CRK: variants seen among roughly 807,000 people sequenced by gnomAD.
CRK encodes adapter molecule crk.
Under a neutral mutation model 29.8 loss-of-function variants are expected in CRK, and 4 were observed. The observed-to-expected ratio is 0.13, with a 90% confidence interval of 0.07 to 0.31. CRK has a LOEUF of 0.31. Ranked by LOEUF, CRK falls within the 10% of genes least tolerant of loss-of-function variation. The pLI, the probability that CRK is intolerant of heterozygous loss-of-function variation, is 1.00. For synonymous variants in CRK, 153 were observed against 164.9 expected, an observed-to-expected ratio of 0.93 and a Z score of 0.55; for missense variants, 274 against 396.5, an observed-to-expected ratio of 0.69 and a Z score of 2.62.
chr17:1,444,597 G>GGGGC (rs1555654437), intron 1 of CRK, among the ~76,000 whole-genome samples: 4 of 110,486 alleles, frequency 3.6e-5, no homozygotes, highest in Non-Finnish European at 6.3e-5. Flanking sequence ...AGCCGAAGCG[G>GGGGC]GGGGGGGGAT....
intron 1 of CRK, among the ~76,000 whole-genome samples, chr17:1,447,803 G>A (rs1472511353): frequency 1.3e-5 from 2 of 151,804 alleles, no homozygotes; most frequent in African/African-American, 2.4e-5. Context: ...TTTTAGGAAA[G>A]ACAGGGTTTT....
At chr17:1,443,611 G>A (rs989583537) in intron 1 of CRK, among the ~76,000 whole-genome samples, 4 of 150,250 alleles carry the variant, frequency 2.7e-5, no homozygotes, top group African/African-American at 9.8e-5. Context: ...ATGTTAGCCA[G>A]GATGGTTTCG....
chr17:1,437,483 G>A (rs888359583), intron 1 of CRK, among the ~76,000 whole-genome samples: 1 of 152,062 alleles, frequency 6.6e-6, no homozygotes, highest in Admixed American at 6.6e-5. Flanking sequence ...CATCCCCTGG[G>A]AAGAAAGATG....
intron 2 of CRK, among the ~76,000 whole-genome samples, chr17:1,426,048 TGTGGCCAAGC>T (rs144576062): frequency 0.03 from 4,616 of 152,130 alleles, 171 homozygotes; most frequent in African/African-American, 0.096. Context: ...AAAAGCCAAG[TGTGGCCAAGC>T]GTGGCCAAGC....
chr17:1,446,856 G>A (rs1401128935), intron 1 of CRK, among the ~76,000 whole-genome samples: 1 of 151,840 alleles, frequency 6.6e-6, no homozygotes, highest in African/African-American at 2.4e-5. Context: ...GCCTCCCAAA[G>A]TGCTGGGATT....
chr17:1,443,542 C>T (rs895290249), intron 1 of CRK, among the ~76,000 whole-genome samples: 1 of 151,650 alleles, frequency 6.6e-6, no homozygotes, highest in African/African-American at 2.4e-5. Flanking sequence ...ACTACAGGCG[C>T]CCGCCACCAC....
chr17:1,433,857 G>T, intron 2 of CRK, among the ~76,000 whole-genome samples: 1 of 139,582 alleles, frequency 7.2e-6, no homozygotes, highest in South Asian at 2.2e-4. Flanking sequence ...TAGATCACCT[G>T]GCTAATTTTT....
Position 1,422,165 on chromosome 17 carries a change from TC to T in CRK, c.*1347del. 1 of 150,866 alleles carries T rather than the reference TC, an allele frequency of 6.6e-6. No homozygotes were observed. Among genetic ancestry groups the T allele is most frequent in the East Asian group, 1.9e-4 (1 of 5,152 alleles). The allele number at this position is 150,866 out of a possible 1,614,324, so 9.3% of individuals were successfully genotyped here. A position where few individuals can be genotyped will look rare whatever the true frequency, so the allele number is the denominator to read the frequency against. On this transcript the variant is annotated 3_prime_UTR_variant, in exon 3 of 3. Transcript: ENST00000300574. ...TCAACATTTTTTTTTCTTTTTTTTT[TC>T]CTTTTTTTTTTTTTTGAGACTGAGT...
rs1433296244 is a variant in CRK at position 1,422,044 on chromosome 17, A to G, written c.*1469T>C. The G allele has an allele frequency of 6.6e-6, 1 of 152,316 alleles. No individual in the cohort carries two copies. The highest frequency in any genetic ancestry group is 2.4e-5 in the African/African-American group (1 of 41,576). The allele number at this position is 152,316 out of a possible 1,614,324, so 9.4% of individuals were successfully genotyped here. A position where few individuals can be genotyped will look rare whatever the true frequency, so the allele number is the denominator to read the frequency against. On this transcript the variant is annotated 3_prime_UTR_variant, in exon 3 of 3. Coordinates refer to ENST00000300574, the MANE Select transcript of CRK (RefSeq NM_016823.4). Reference sequence around the variant, plus strand: ...GTAAACTAAACCTGAACATAAACAAAGAGCCAAAAATGAAGGCAGTTTACA... The same window carrying G: ...GTAAACTAAACCTGAACATAAACAAGGAGCCAAAAATGAAGGCAGTTTACA...
At chr17:1,429,431 G>C (rs748211091) in intron 2 of CRK, among the ~76,000 whole-genome samples, 13 of 152,012 alleles carry the variant, frequency 8.6e-5, no homozygotes, top group Non-Finnish European at 1.5e-4. Flanking sequence ...CCGCCACCAT[G>C]CTCAGTTAAT....
In CRK at chr17:1,426,904, C is replaced by T. The variant is rs527302496; in HGVS notation, c.778-3254G>A. On this transcript the variant is annotated intron_variant, in intron 2 of 2. Transcript: ENST00000300574. The stretch of plus-strand genomic sequence containing the variant: ...TAAATTAGCCAGGCATAGTAGTGTG[C>T]GCCTGTGGTCCCAGCTACTCAAGAG... 7.3e-5 allele frequency among the ~76,000 whole-genome samples: 11 copies of T among 150,996 alleles called. No individual in the cohort carries two copies. The South Asian group carries it at 1.7e-3, about 23-fold the overall frequency.
chr17:1,442,817 G>A (rs1021124661), intron 1 of CRK, among the ~76,000 whole-genome samples: 1 of 151,418 alleles, frequency 6.6e-6, no homozygotes, highest in African/African-American at 2.4e-5. Context: ...ATGTTGGCCT[G>A]GCTGGTCTCA....
chr17:1,439,283 G>C (rs1481508892), intron 1 of CRK, among the ~76,000 whole-genome samples: 1 of 152,088 alleles, frequency 6.6e-6, no homozygotes, highest in African/African-American at 2.4e-5. Flanking sequence ...ATTTTTAATA[G>C]AGACGGGGTT....
In CRK at chr17:1,455,842, C is replaced by A. The variant is rs966667330; in HGVS notation, c.241+35G>T. Reference sequence around the variant, plus strand: ...AGGCTGGGAGTTCCGCGGCCCTCACCCCGCCCAGGGCCCGCCGTCCCGTCA... The same window carrying A: ...AGGCTGGGAGTTCCGCGGCCCTCACACCGCCCAGGGCCCGCCGTCCCGTCA... On this transcript the variant is annotated intron_variant, in intron 1 of 2. Transcript: ENST00000300574. 8 of 1,493,198 alleles carry A rather than the reference C, an allele frequency of 5.4e-6. No individual in the cohort carries two copies. The African/African-American group carries it at 5.7e-5, about 11-fold the overall frequency. The allele number at this position is 1,493,198 out of a possible 1,614,324, so 92.5% of individuals were successfully genotyped here.
intron 1 of CRK, among the ~76,000 whole-genome samples, chr17:1,448,155 T>C (rs980373622): frequency 6.6e-6 from 1 of 151,186 alleles, no homozygotes; most frequent in Non-Finnish European, 1.5e-5. Context: ...TGAGAAGATA[T>C]ATGGTCTCCT....
At chr17:1,453,834 G>T (rs958374558) in intron 1 of CRK, among the ~76,000 whole-genome samples, 1 of 152,138 alleles carries the variant, frequency 6.6e-6, no homozygotes, top group South Asian at 2.1e-4. Flanking sequence ...TTGAACCCGG[G>T]GAGGTAGAGA....
Position 1,456,037 on chromosome 17 carries a change from C to A in CRK, c.81G>T (p.Leu27=). The A allele has an allele frequency of 6.3e-7, 1 of 1,594,964 alleles. No homozygotes were observed. The highest frequency in any genetic ancestry group is 8.5e-7 in the Non-Finnish European group (1 of 1,172,800). ...RLSRQEAVAL[L]QGQRHGVFLV... ...GGAACACCCCGTGCCGCTGGCCCTGCAGCAGCGCCACCGCCTCCTGCCGAC... is the reference window on the plus strand; with the variant it reads ...GGAACACCCCGTGCCGCTGGCCCTGAAGCAGCGCCACCGCCTCCTGCCGAC... The change falls in exon 1 of 3, where the codon CTG becomes CTT. Residue 27 remains leucine (L), a synonymous_variant. Transcript: ENST00000300574.
chr17:1,428,904 G>A (rs1568009223), intron 2 of CRK, among the ~76,000 whole-genome samples: 3 of 151,092 alleles, frequency 2.0e-5, no homozygotes, highest in Non-Finnish European at 4.4e-5. Context: ...GGAGTCCAGT[G>A]GCGCAATCTC....
At position 1,423,336 on chromosome 17, in the gene CRK, C is replaced by T. The variant is rs1010251621; in HGVS notation, c.*177G>A. The T allele has an allele frequency of 1.2e-6, 1 of 803,204 alleles. No homozygotes were observed. Among genetic ancestry groups the T allele is most frequent in the African/African-American group, 1.8e-5 (1 of 56,716 alleles). 49.8% of individuals were successfully genotyped at this position (803,204 alleles called of 1,614,324 possible). On this transcript the variant is annotated 3_prime_UTR_variant, in exon 3 of 3. Transcript: ENST00000300574. Reference sequence around the variant, plus strand: ...ACACACAAGCCCTCCAGTTCGTACCCTGAATATGGTAATTAAGACTAGGAA... The same window carrying T: ...ACACACAAGCCCTCCAGTTCGTACCTTGAATATGGTAATTAAGACTAGGAA...
Sources: gnomAD v4.1 joint callset for allele counts (sites outside exome capture counted in the v4.1 genomes callset) on GRCh38, gnomAD v4.1.1 for gene constraint, MANE v1.5 for transcripts, NCBI Gene and HGNC (gene_info 2026-07-23, HGNC 2026-07-21) for gene names.